TSPAN18: variants seen among roughly 807,000 people sequenced by gnomAD.
TSPAN18 encodes the protein tetraspanin 18.
TSPAN18 carries 14 observed loss-of-function variants against 27.3 expected under a neutral mutation model. That is an observed-to-expected ratio of 0.51 (90% confidence interval 0.34 to 0.80). TSPAN18 has a LOEUF of 0.80. Ranked by LOEUF, TSPAN18 falls within the 30% of genes least tolerant of loss-of-function variation. TSPAN18 has a pLI of 0.01. For synonymous variants in TSPAN18, 143 were observed against 136.5 expected (o/e 1.05, Z -0.33); for missense variants, 268 against 323.9 (o/e 0.83, Z 1.32).
Position 44,931,292 on chromosome 11 carries a change from G to GA in TSPAN18, c.*2116dup, listed in dbSNP as rs1384125195. 5 of 214,418 alleles carry GA rather than the reference G, an allele frequency of 2.3e-5. No homozygotes were observed. The highest frequency in any genetic ancestry group is 1.2e-4 in the African/African-American group (5 of 43,260). 13.3% of individuals were successfully genotyped at this position (214,418 alleles called of 1,614,324 possible). A position where few individuals can be genotyped will look rare whatever the true frequency, so the allele number is the denominator to read the frequency against. On this transcript the variant is annotated 3_prime_UTR_variant, in exon 10 of 10. Coordinates refer to ENST00000520358, the MANE Select transcript of TSPAN18 (RefSeq NM_130783.5). ...CCACATGCTTAGCCCCAGCTTTTTG[G>GA]AAGAGGCAAATGGCTGGTCTGAGGA...
chr11:44,756,305 A>AGGAGGGAG (rs536867056), intron 1 of TSPAN18, among the ~76,000 whole-genome samples: 1 of 119,720 alleles, frequency 8.4e-6, no homozygotes, highest in African/African-American at 3.1e-5. Flanking sequence ...GAGAACAAAA[A>AGGAGGGAG]GGAGGGAGGG....
chr11:44,778,065 G>C (rs1427733785), intron 2 of TSPAN18, among the ~76,000 whole-genome samples: 1 of 152,112 alleles, frequency 6.6e-6, no homozygotes, highest in Non-Finnish European at 1.5e-5. Flanking sequence ...CAGGTGGGGG[G>C]TGGGGCAGTT....
intron 1 of TSPAN18, among the ~76,000 whole-genome samples, chr11:44,753,566 G>T (rs1057331174): frequency 6.6e-6 from 1 of 152,182 alleles, no homozygotes; most frequent in Non-Finnish European, 1.5e-5. Context: ...ACATTTTATT[G>T]TAATCTCCAA....
intron 3 of TSPAN18, among the ~76,000 whole-genome samples, chr11:44,880,965 G>T (rs901833969): frequency 6.6e-6 from 1 of 152,238 alleles, no homozygotes; most frequent in Non-Finnish European, 1.5e-5. Flanking sequence ...CTGGCTGTCC[G>T]TCCTCCTGTA....
chr11:44,814,497 C>T (rs920585811), intron 2 of TSPAN18, among the ~76,000 whole-genome samples: 9 of 152,206 alleles, frequency 5.9e-5, no homozygotes, highest in Non-Finnish European at 1.2e-4. Flanking sequence ...CCCAGTGCCT[C>T]ATTTTGCAGA....
At chr11:44,845,170 A>G (rs1044161548) in intron 2 of TSPAN18, among the ~76,000 whole-genome samples, 3 of 152,236 alleles carry the variant, frequency 2.0e-5, no homozygotes, top group Non-Finnish European at 2.9e-5. Flanking sequence ...AGGGGGACAC[A>G]GTGGAATTTA....
chr11:44,830,783 A>C (rs911198730), intron 2 of TSPAN18, among the ~76,000 whole-genome samples: 5 of 152,170 alleles, frequency 3.3e-5, no homozygotes, highest in African/African-American at 4.8e-5. Flanking sequence ...AGTGGTGGGG[A>C]CTGCAGTAAA....
intron 3 of TSPAN18, among the ~76,000 whole-genome samples, chr11:44,886,805 A>G (rs560449458): frequency 3.9e-4 from 59 of 152,320 alleles, no homozygotes; most frequent in African/African-American, 1.3e-3. Context: ...TCATGACACT[A>G]TAGTTAGTTC....
chr11:44,753,257 T>A (rs1313444378), intron 1 of TSPAN18, among the ~76,000 whole-genome samples: 2 of 152,124 alleles, frequency 1.3e-5, no homozygotes, highest in East Asian at 3.9e-4. Flanking sequence ...ACCTCCCGAG[T>A]AGCTGGGATT....
intron 3 of TSPAN18, among the ~76,000 whole-genome samples, chr11:44,865,286 C>A (rs1416845197): frequency 6.6e-6 from 1 of 152,170 alleles, no homozygotes; most frequent in Admixed American, 6.5e-5. Context: ...TCTCAACTCT[C>A]ATCTAGAAAA....
At chr11:44,819,608 G>A (rs938759608) in intron 2 of TSPAN18, among the ~76,000 whole-genome samples, 1 of 152,022 alleles carries the variant, frequency 6.6e-6, no homozygotes, top group African/African-American at 2.4e-5. Context: ...TGCTGCTCTT[G>A]GGCACGGCAG....
intron 9 of TSPAN18, among the ~76,000 whole-genome samples, chr11:44,928,131 G>A (rs539382707): frequency 7.9e-5 from 12 of 152,242 alleles, no homozygotes; most frequent in Non-Finnish European, 1.0e-4. Flanking sequence ...AGCTCTGGCC[G>A]TGAGAACATC....
At chr11:44,787,474 C>A (rs1856086031) in intron 2 of TSPAN18, among the ~76,000 whole-genome samples, 1 of 152,184 alleles carries the variant, frequency 6.6e-6, no homozygotes, top group Non-Finnish European at 1.5e-5. Context: ...AGTGTGCTGG[C>A]ATTGCTGGCT....
chr11:44,756,758 A>G (rs911514654), intron 1 of TSPAN18, among the ~76,000 whole-genome samples: 1 of 152,170 alleles, frequency 6.6e-6, no homozygotes, highest in Non-Finnish European at 1.5e-5. Context: ...TTCTTTTTTA[A>G]GGTTCACTAA....
intron 2 of TSPAN18, among the ~76,000 whole-genome samples, chr11:44,776,199 C>G (rs1026735493): frequency 2.0e-5 from 3 of 152,190 alleles, no homozygotes; most frequent in Non-Finnish European, 4.4e-5. Flanking sequence ...ATCTGCCCAG[C>G]CACCCTGGGC....
chr11:44,795,017 A>T (rs1176525327), intron 2 of TSPAN18, among the ~76,000 whole-genome samples: 1 of 152,160 alleles, frequency 6.6e-6, no homozygotes, highest in Admixed American at 6.5e-5. Context: ...TTAGGCAGAC[A>T]TCGGCATTGT....
chr11:44,839,383 T>C (rs1043196979), intron 2 of TSPAN18, among the ~76,000 whole-genome samples: 9 of 152,158 alleles, frequency 5.9e-5, no homozygotes, highest in African/African-American at 2.2e-4. Flanking sequence ...TAAATGAGCA[T>C]GTGTCTGTCT....
intron 2 of TSPAN18, among the ~76,000 whole-genome samples, chr11:44,776,243 T>C (rs1367241261): frequency 6.6e-6 from 1 of 152,188 alleles, no homozygotes; most frequent in Non-Finnish European, 1.5e-5. Flanking sequence ...AAGACCACTG[T>C]ATAGATGTAG....
At chr11:44,825,574 A>T (rs1458345857) in intron 2 of TSPAN18, among the ~76,000 whole-genome samples, 1 of 152,144 alleles carries the variant, frequency 6.6e-6, no homozygotes, top group East Asian at 1.9e-4. Context: ...GACTTGATGC[A>T]TCCCAGCGGG....
Sources: allele counts gnomAD v4.1 joint callset (sites outside exome capture counted in the v4.1 genomes callset), GRCh38; gene constraint gnomAD v4.1.1; transcripts MANE v1.5; gene names NCBI Gene and HGNC (gene_info 2026-07-23, HGNC 2026-07-21).